EYA3: variants seen among roughly 807,000 people sequenced by gnomAD.
The protein encoded by EYA3 is protein phosphatase EYA3.
A neutral mutation model predicts 80.0 loss-of-function variants in EYA3; 39 were observed. The ratio of observed to expected loss-of-function variants is 0.49; its 90% CI spans 0.38 to 0.64. The LOEUF is 0.64. Among genes scored for constraint, EYA3 ranks in the 30% least tolerant of loss-of-function variants. The pLI, the probability that EYA3 is intolerant of heterozygous loss-of-function variation, is 0.00. For synonymous variants in EYA3, 206 were observed against 232.8 expected (o/e 0.88, Z 1.05); for missense variants, 523 against 676.1 (o/e 0.77, Z 2.51).
Position 27,993,526 on chromosome 1 carries a change from A to G in EYA3, c.1177T>C (p.Ser393Pro). The G allele has an allele frequency of 1.2e-6, 2 of 1,608,758 alleles. No homozygotes were observed. The highest frequency in any genetic ancestry group is 2.2e-5 in the East Asian group (1 of 44,726). Residue 393 changes from serine to proline, a missense_variant, in exon 14 of 18, where the codon TCA (serine) becomes CCA (proline). Around this residue, in one of 2 missense-constraint regions of EYA3, gnomAD observed 219 missense variants for 332.8 expected, o/e 0.66. Transcript: ENST00000373871. The stretch of plus-strand genomic sequence containing the variant: ...GAACCATGGCTGCCACTACCTCCTG[A>G]GCCACTGAAACCATCTGTTGAGAAA... ...YSFSTDGFSGSGGSGSHGSSV... is the reference protein window; with the variant it reads ...YSFSTDGFSGPGGSGSHGSSV...
chr1:27,996,235 T>C (rs1640448948), intron 13 of EYA3, among the ~76,000 whole-genome samples: 2 of 152,176 alleles, frequency 1.3e-5, no homozygotes, highest in African/African-American at 4.8e-5. Context: ...GATAATACAA[T>C]TATACAAACT....
rs2148693461 is a variant in EYA3 at position 27,973,069 on chromosome 1, G to C, written c.*1397C>G. ...CTCCCTTCCCCCCACAATCAGCAAA[G>C]TCTTTCTGGTTTCCTACTTTAGAAT... On this transcript the variant is annotated 3_prime_UTR_variant, in exon 18 of 18. Transcript: ENST00000373871. The C allele has an allele frequency of 6.6e-6, 1 of 152,300 alleles. No individual in the cohort carries two copies. The highest frequency in any genetic ancestry group is 2.1e-4 in the South Asian group (1 of 4,824). The allele number at this position is 152,300 out of a possible 1,614,324, so 9.4% of individuals were successfully genotyped here.
intron 1 of EYA3, among the ~76,000 whole-genome samples, chr1:28,077,227 C>A (rs575488302): frequency 6.6e-6 from 1 of 151,800 alleles, no homozygotes; most frequent in South Asian, 2.1e-4. Flanking sequence ...CCTCAGCCTC[C>A]TGAGTAGCTG....
At chr1:28,077,912 T>C in intron 1 of EYA3, among the ~76,000 whole-genome samples, 1 of 152,146 alleles carries the variant, frequency 6.6e-6, no homozygotes, top group East Asian at 1.9e-4. Flanking sequence ...TTATCAGTGT[T>C]TGGATAACAC....
At chr1:28,069,945 C>G (rs1266265500) in intron 1 of EYA3, among the ~76,000 whole-genome samples, 1 of 152,118 alleles carries the variant, frequency 6.6e-6, no homozygotes, top group African/African-American at 2.4e-5. Flanking sequence ...GGGTTACGGT[C>G]AAGGAATGTC....
chr1:28,037,957 CTT>C (rs1196834677), intron 5 of EYA3, among the ~76,000 whole-genome samples: 1 of 152,166 alleles, frequency 6.6e-6, no homozygotes, highest in Non-Finnish European at 1.5e-5. Context: ...TAGGTCCACT[CTT>C]TATTACGCAC....
In EYA3 at chr1:28,072,841, A is replaced by G. The variant is rs551792936; in HGVS notation, c.-68-14747T>C. Among the ~76,000 whole-genome samples, 17 of 152,088 alleles carry G rather than the reference A, an allele frequency of 1.1e-4. No individual in the cohort carries two copies. The East Asian group carries it at 3.3e-3, about 29-fold the overall frequency. On this transcript the variant is annotated intron_variant, in intron 1 of 17. Transcript: ENST00000373871. ...CTGGAAACAACTCAAATGCCCTTCA[A>G]ACTGGCACATGAATAAACAAACTGC...
chr1:28,012,392 T>C (rs1641752251), intron 9 of EYA3, among the ~76,000 whole-genome samples: 1 of 152,238 alleles, frequency 6.6e-6, no homozygotes, highest in Non-Finnish European at 1.5e-5. Context: ...GTCCACTTAT[T>C]AGACTGGTAG....
intron 16 of EYA3, among the ~76,000 whole-genome samples, chr1:27,980,248 C>A (rs1439065881): frequency 6.6e-6 from 1 of 152,182 alleles, no homozygotes; most frequent in Non-Finnish European, 1.5e-5. Flanking sequence ...ATAATAAATT[C>A]TTATTATGTT....
At chr1:27,982,887 T>TA (rs1265798784) in intron 16 of EYA3, among the ~76,000 whole-genome samples, 1 of 152,190 alleles carries the variant, frequency 6.6e-6, no homozygotes, top group Non-Finnish European at 1.5e-5. Context: ...TATTAATCCT[T>TA]ATGAGTATAT....
chr1:28,036,004 G>A (rs748472722), intron 5 of EYA3, among the ~76,000 whole-genome samples: 12 of 151,956 alleles, frequency 7.9e-5, no homozygotes, highest in South Asian at 2.1e-4. Context: ...TAGTAGAGAC[G>A]GTGTTTCACC....
chr1:28,043,119 A>G (rs1454680403), intron 3 of EYA3, among the ~76,000 whole-genome samples: 3 of 152,196 alleles, frequency 2.0e-5, no homozygotes, highest in Non-Finnish European at 4.4e-5. Context: ...CTGGGATTAC[A>G]GGTGTGAGCC....
chr1:28,040,361 A>C (rs2148857975), intron 4 of EYA3, among the ~76,000 whole-genome samples: 1 of 152,306 alleles, frequency 6.6e-6, no homozygotes, highest in South Asian at 2.1e-4. Context: ...AAGGAATCGA[A>C]AGTTCTTTTT....
In EYA3 at chr1:27,989,795, C is replaced by G. The variant is rs1402952415; in HGVS notation, c.1320G>C (p.Gln440His). 1.2e-6 allele frequency: 2 copies of G among 1,609,468 alleles called. No individual in the cohort carries two copies. The highest frequency in any genetic ancestry group is 1.7e-6 in the Non-Finnish European group (2 of 1,177,414). ...KSNVGGLLSPQRKEALQRLRA... is the reference protein window; with the variant it reads ...KSNVGGLLSPHRKEALQRLRA... ...TTAATCTCTGCAGTGCTTCCTTCCTCTGGGGACTGAGGAGACCTTTAGGAA... is the reference window on the plus strand; with the variant it reads ...TTAATCTCTGCAGTGCTTCCTTCCTGTGGGGACTGAGGAGACCTTTAGGAA... Residue 440 changes from glutamine (Q) to histidine (H), a missense_variant, in exon 15 of 18, where the codon CAG becomes CAC. Coordinates refer to ENST00000373871, the MANE Select transcript of EYA3 (RefSeq NM_001990.4).
chr1:28,052,538 C>A (rs1359722896), intron 2 of EYA3, among the ~76,000 whole-genome samples: 1 of 152,194 alleles, frequency 6.6e-6, no homozygotes, highest in African/African-American at 2.4e-5. Context: ...ACAAATAAAG[C>A]TGAACTCGTA....
intron 16 of EYA3, among the ~76,000 whole-genome samples, chr1:27,983,800 C>T (rs934584823): frequency 3.7e-4 from 57 of 152,148 alleles, no homozygotes; most frequent in African/African-American, 1.2e-3. Flanking sequence ...GGATTACAGG[C>T]GTGTGCCACC....
chr1:28,044,593 C>T (rs939124744), intron 3 of EYA3, among the ~76,000 whole-genome samples: 63 of 152,094 alleles, frequency 4.1e-4, no homozygotes, highest in African/African-American at 1.4e-3. Flanking sequence ...AAAGATAATG[C>T]TGACTAATCA....
intron 11 of EYA3, among the ~76,000 whole-genome samples, chr1:28,001,101 T>C (rs1640805836): frequency 1.3e-5 from 2 of 151,170 alleles, no homozygotes; most frequent in Admixed American, 6.6e-5. Context: ...TATACACATA[T>C]CTATATCACT....
chr1:27,991,772 G>T (rs1640083283), intron 14 of EYA3, among the ~76,000 whole-genome samples: 1 of 151,108 alleles, frequency 6.6e-6, no homozygotes, highest in African/African-American at 2.5e-5. Context: ...ACATACAGCT[G>T]GCCATTAATT....
Sources: allele counts gnomAD v4.1 joint callset (sites outside exome capture counted in the v4.1 genomes callset), GRCh38; gene constraint gnomAD v4.1.1; regional missense constraint gnomAD v4.1.1; transcripts MANE v1.5; gene names NCBI Gene and HGNC (gene_info 2026-07-23, HGNC 2026-07-21).